The following FERMT2 variants were observed in gnomAD, a reference collection of about 807,000 sequenced individuals.
The protein encoded by FERMT2 is FERM domain containing kindlin 2.
In FERMT2, 15 loss-of-function variants were observed where a neutral mutation model predicts 82.7. The ratio of observed to expected loss-of-function variants is 0.18; its 90% CI spans 0.12 to 0.28. The LOEUF is 0.28. Among genes scored for constraint, FERMT2 ranks in the 10% least tolerant of loss-of-function variants. The pLI, the probability that FERMT2 is intolerant of heterozygous loss-of-function variation, is 1.00. For synonymous variants in FERMT2, 274 were observed against 271.5 expected (o/e 1.01, Z -0.09); for missense variants, 645 against 809.4 (o/e 0.80, Z 2.46).
intron 4 of FERMT2, among the ~76,000 whole-genome samples, chr14:52,883,412 A>C (rs1368121215): frequency 6.6e-6 from 1 of 152,216 alleles, no homozygotes; most frequent in Non-Finnish European, 1.5e-5. Flanking sequence ...TCAGTTGGGC[A>C]AAGGGTATTT....
chr14:52,935,058 A>T (rs558251505), intron 2 of FERMT2, among the ~76,000 whole-genome samples: 2 of 152,362 alleles, frequency 1.3e-5, no homozygotes, highest in Admixed American at 1.3e-4. Context: ...GTTAATGTAT[A>T]AAGTTAAAAG....
intron 2 of FERMT2, among the ~76,000 whole-genome samples, chr14:52,926,268 T>C (rs1296099627): frequency 2.6e-5 from 4 of 152,256 alleles, no homozygotes; most frequent in Non-Finnish European, 5.9e-5. Flanking sequence ...TCCCTGAATT[T>C]GCATAAACTA....
rs145818620 is a variant in FERMT2 at position 52,867,719 on chromosome 14, T to C, written c.1274-2866A>G. 4.7e-3 allele frequency among the ~76,000 whole-genome samples: 710 copies of C among 152,218 alleles called. 6 individuals carry two copies. The highest frequency in any genetic ancestry group is 0.016 in the African/African-American group (657 of 41,546). ...TCCCACAGGCACCTCAAATTCAAAA[T>C]ATCCCCAAATTAAACTCATCTTTCC... On this transcript the variant is annotated intron_variant, in intron 10 of 14. Coordinates refer to ENST00000341590, the MANE Select transcript of FERMT2 (RefSeq NM_006832.3).
chr14:52,950,053 G>A (rs1191861426), intron 2 of FERMT2, among the ~76,000 whole-genome samples: 1 of 152,020 alleles, frequency 6.6e-6, no homozygotes, highest in South Asian at 2.1e-4. Context: ...AGATAACCAC[G>A]GACACTGTAA....
intron 4 of FERMT2, among the ~76,000 whole-genome samples, chr14:52,892,105 G>T (rs960917258): frequency 1.3e-5 from 2 of 150,978 alleles, no homozygotes; most frequent in African/African-American, 4.9e-5. Context: ...AAACCTTTAA[G>T]GAAAAAAGGT....
intron 4 of FERMT2, among the ~76,000 whole-genome samples, chr14:52,884,846 T>TA (rs774996315): frequency 7.0e-6 from 1 of 143,204 alleles, no homozygotes; most frequent in African/African-American, 2.6e-5. Context: ...ACTAAAAATA[T>TA]AAAAAATAAG....
intron 3 of FERMT2, among the ~76,000 whole-genome samples, chr14:52,905,188 CAAA>C (rs71125148): frequency 3.9e-5 from 5 of 126,816 alleles, no homozygotes; most frequent in African/African-American, 1.3e-4. Context: ...GACTCCATCT[CAAA>C]AAAAAAAAAA....
In FERMT2 at chr14:52,874,073, T is replaced by C. The variant is rs1014654228; in HGVS notation, c.1148+104A>G. 5.3e-5 allele frequency: 32 copies of C among 604,470 alleles called. No individual in the cohort carries two copies. In the Middle Eastern group the frequency reaches 8.2e-4, roughly 16 times the overall value. 37.4% of individuals were successfully genotyped at this position (604,470 alleles called of 1,614,324 possible). ...ACCTAACTGGTAAATCCTTTTACAG[T>C]AGATGCGTTTGTTAGTCAAACTTAA... On this transcript the variant is annotated intron_variant, in intron 9 of 14. Transcript: ENST00000341590.
chr14:52,892,456 G>GTTT lies in FERMT2; in HGVS notation c.526+834_526+836dup, dbSNP rs11281193. On this transcript the variant is annotated intron_variant, in intron 4 of 14. Coordinates refer to ENST00000341590, the MANE Select transcript of FERMT2 (RefSeq NM_006832.3). ...AGTACCCCGCCTGGTGCTGTTTTTT[G>GTTT]TTTTTTTTTTTTTTTGAGATGGAGT... Among the ~76,000 whole-genome samples, 22 of 133,398 alleles carry GTTT rather than the reference G, an allele frequency of 1.6e-4. No homozygotes were observed. The East Asian group carries it at 4.4e-3, about 27-fold the overall frequency. The allele number at this position is 133,398 out of a possible 152,430, so 87.5% of individuals were successfully genotyped here.
At chr14:52,860,298 AATGCAG>A in intron 13 of FERMT2, 37 bp downstream of exon 13, 1 of 1,598,574 alleles carries the variant, frequency 6.3e-7, no homozygotes, top group Non-Finnish European at 8.5e-7. Context: ...ATTAAGCAAA[AATGCAG>A]ATTAAGGTTT....
At chr14:52,869,637 A>G (rs1454335995) in intron 10 of FERMT2, among the ~76,000 whole-genome samples, 1 of 151,946 alleles carries the variant, frequency 6.6e-6, no homozygotes, top group Non-Finnish European at 1.5e-5. Context: ...TAAGTAGTAC[A>G]TAATACCTGA....
intron 12 of FERMT2, chr14:52,861,064 G>A: frequency 6.7e-7 from 1 of 1,492,838 alleles, no homozygotes; most frequent in Non-Finnish European, 8.9e-7. Context: ...GAAAGAAAAA[G>A]GAAGCAGAAA....
At chr14:52,920,187 G>C (rs375397622) in intron 2 of FERMT2, among the ~76,000 whole-genome samples, 1 of 152,116 alleles carries the variant, frequency 6.6e-6, no homozygotes, top group African/African-American at 2.4e-5. Flanking sequence ...ACTTCAACTA[G>C]TTATTTATTT....
Position 52,943,883 on chromosome 14 carries a change from G to A in FERMT2, c.157+6529C>T, listed in dbSNP as rs574356933. Among the ~76,000 whole-genome samples the A allele has an allele frequency of 5.9e-5, 9 of 152,212 alleles. No homozygotes were observed. In the East Asian group the frequency reaches 1.7e-3, roughly 29 times the overall value. On this transcript the variant is annotated intron_variant, in intron 2 of 14. Coordinates refer to ENST00000341590, the MANE Select transcript of FERMT2 (RefSeq NM_006832.3). ...TTTTCTTTCCATTCTCTTCAATAGC[G>A]AGCGATTAGACATTTCCAACAAGGC...
chr14:52,858,416 A>G lies in FERMT2; in HGVS notation c.2004T>C (p.Asp668=), dbSNP rs1227472880. 1 of 1,614,176 alleles carries G rather than the reference A, an allele frequency of 6.2e-7. No homozygotes were observed. Among genetic ancestry groups the G allele is most frequent in the East Asian group, 2.2e-5 (1 of 44,888 alleles). ...TRAKDQNESL[D]EEMFYKLTSG... is the part of the protein sequence containing the mutation. Reference sequence around the variant, plus strand: ...TGGTAAGTTTGTAGAACATCTCTTCATCTAAACTCTCGTTTTGGTCTTTTG... The same window carrying G: ...TGGTAAGTTTGTAGAACATCTCTTCGTCTAAACTCTCGTTTTGGTCTTTTG... The change falls in exon 15 of 15, where the codon GAT becomes GAC. Residue 668 remains aspartate (D), a synonymous_variant. Coordinates refer to ENST00000341590, the MANE Select transcript of FERMT2 (RefSeq NM_006832.3).
chr14:52,938,391 T>C (rs1889945564), intron 2 of FERMT2, among the ~76,000 whole-genome samples: 1 of 152,222 alleles, frequency 6.6e-6, no homozygotes, highest in South Asian at 2.1e-4. Context: ...ATTCTACTAA[T>C]TATCAAGAAT....
At chr14:52,883,267 G>C (rs556254726) in intron 4 of FERMT2, among the ~76,000 whole-genome samples, 14 of 152,178 alleles carry the variant, frequency 9.2e-5, no homozygotes, top group Non-Finnish European at 1.8e-4. Context: ...TACTGGGATC[G>C]TTAGTCCTGG....
intron 3 of FERMT2, among the ~76,000 whole-genome samples, chr14:52,897,378 G>T (rs1350461917): frequency 6.6e-6 from 1 of 152,166 alleles, no homozygotes; most frequent in South Asian, 2.1e-4. Flanking sequence ...GGCAAAGATG[G>T]AACAAGATGG....
At chr14:52,883,263 G>A (rs994419323) in intron 4 of FERMT2, among the ~76,000 whole-genome samples, 1 of 152,168 alleles carries the variant, frequency 6.6e-6, no homozygotes, top group Non-Finnish European at 1.5e-5. Context: ...AGAATACTGG[G>A]ATCGTTAGTC....
Sources: gnomAD v4.1 joint callset for allele counts (sites outside exome capture counted in the v4.1 genomes callset) on GRCh38, gnomAD v4.1.1 for gene constraint, MANE v1.5 for transcripts, NCBI Gene and HGNC (gene_info 2026-07-23, HGNC 2026-07-21) for gene names.